MCTS1: variants seen among roughly 807,000 people sequenced by gnomAD.
MCTS1 encodes malignant T-cell-amplified sequence 1.
For synonymous variants in MCTS1, 26 were observed against 40.8 expected, an observed-to-expected ratio of 0.64 and a Z score of 1.38; for missense variants, 55 against 128.6, an observed-to-expected ratio of 0.43 and a Z score of 2.77.
rs1324742328 is a variant in MCTS1 at position 120,619,012 on chromosome X, T to C, written c.*6748T>C. Among the ~76,000 whole-genome samples, 2 of 111,801 alleles carry C rather than the reference T, an allele frequency of 1.8e-5. No individual in the cohort carries two copies. The highest frequency in any genetic ancestry group is 1.9e-5 in the Non-Finnish European group (1 of 53,149). On this transcript the variant is annotated 3_prime_UTR_variant, in exon 6 of 6. Coordinates refer to ENST00000371317, the MANE Select transcript of MCTS1 (RefSeq NM_014060.3). ...ACATCTTGATTAAAGTGTAGGGAGA[T>C]AGAAACTATACCAATTTGGGCAATT...
At chrX:120,610,104 C>T (rs748542825) in intron 4 of MCTS1, among the ~76,000 whole-genome samples, 3 of 110,557 alleles carry the variant, frequency 2.7e-5, no homozygotes, top group Non-Finnish European at 3.8e-5. Context: ...GGCAGATCAC[C>T]TGAGGTCAGG....
chrX:120,605,140 T>C (rs143115816), intron 1 of MCTS1, among the ~76,000 whole-genome samples: 76 of 111,705 alleles, frequency 6.8e-4, no homozygotes, highest in African/African-American at 2.3e-3. Flanking sequence ...CAGATTATGG[T>C]GCAAAGTATG....
chrX:120,611,674 C>A (rs1157772278), intron 5 of MCTS1, among the ~76,000 whole-genome samples: 2 of 112,112 alleles, frequency 1.8e-5, no homozygotes, highest in Non-Finnish European at 1.9e-5. Flanking sequence ...CCCACCTCGG[C>A]CTCCCAAAGT....
rs1926807525 is a variant in MCTS1, at chrX:120,615,015, TA to T, written c.*2754del. Among the ~76,000 whole-genome samples, 1 of 111,876 alleles carries T rather than the reference TA, an allele frequency of 8.9e-6. No individual in the cohort carries two copies. Among genetic ancestry groups the T allele is most frequent in the South Asian group, 3.7e-4 (1 of 2,727 alleles). On this transcript the variant is annotated 3_prime_UTR_variant, in exon 6 of 6. Transcript: ENST00000371317. ...ACTGTGTTGCCTTGGTGATATGGAC[TA>T]AATATGTATGTTCTCTGCTTCCCCT...
chrX:120,605,253 A>G (rs781271979), intron 1 of MCTS1, among the ~76,000 whole-genome samples, 154 bp from the exon 2 acceptor site: 16 of 111,879 alleles, frequency 1.4e-4, no homozygotes, highest in African/African-American at 5.2e-4. Flanking sequence ...AGTAAAAGGG[A>G]GATGGTATTT....
chrX:120,608,189 T>A, intron 3 of MCTS1, 36 bp from the exon 4 acceptor site: 1 of 1,073,506 alleles, frequency 9.3e-7, no homozygotes, highest in African/African-American at 1.8e-5. Context: ...GAGTCATTAG[T>A]CTTATTATTA....
In MCTS1 at chrX:120,605,498, G is replaced by A; in HGVS notation, c.103G>A (p.Gly35Ser). The A allele has an allele frequency of 8.3e-7, 1 of 1,199,050 alleles. No individual in the cohort carries two copies. The highest frequency in any genetic ancestry group is 1.1e-6 in the Non-Finnish European group (1 of 890,524). ...IKNQLIEQFP[G>S]IEPWLNQIMP... ...GAATCAATTGATAGAGCAATTTCCA[G>A]GTATTGAACCATGGCTTAATCAAAT... The change falls in exon 2 of 6, where the codon GGT (glycine) becomes AGT (serine). Residue 35 changes from glycine to serine, a missense_variant. By Grantham distance (56) the Gly-to-Ser change is moderately conservative. Coordinates refer to ENST00000371317, the MANE Select transcript of MCTS1 (RefSeq NM_014060.3).
At position 120,612,660 on chromosome X, in the gene MCTS1, CGTGTGTGTGT is replaced by C. The variant is rs10563395; in HGVS notation, c.*413_*422del. On this transcript the variant is annotated 3_prime_UTR_variant, in exon 6 of 6. Coordinates refer to ENST00000371317, the MANE Select transcript of MCTS1 (RefSeq NM_014060.3). ...CAGGGGACCCAGCAGTGCTCATTCT[CGTGTGTGTGT>C]GTGTGTGTGTGTGTGTATGTGTGTG... Among the ~76,000 whole-genome samples, 4 of 97,412 alleles carry C rather than the reference CGTGTGTGTGT, an allele frequency of 4.1e-5. No individual in the cohort carries two copies. Among genetic ancestry groups the C allele is most frequent in the Admixed American group, 2.3e-4 (2 of 8,733 alleles). The allele number at this position is 97,412 out of a possible 115,157, so 84.6% of individuals were successfully genotyped here.
rs1926929666 is a variant in MCTS1, at chrX:120,618,782, T to C, written c.*6518T>C. Among the ~76,000 whole-genome samples, 1 of 112,507 alleles carries C rather than the reference T, an allele frequency of 8.9e-6. No individual in the cohort carries two copies. The highest frequency in any genetic ancestry group is 1.9e-5 in the Non-Finnish European group (1 of 53,382). On this transcript the variant is annotated 3_prime_UTR_variant, in exon 6 of 6. Transcript: ENST00000371317. ...TTTGTGTTTCACAAGGTTAAAATTTTGTATTTTGTAAAGTGTCTGAAAAGG... is the reference window on the plus strand; with the variant it reads ...TTTGTGTTTCACAAGGTTAAAATTTCGTATTTTGTAAAGTGTCTGAAAAGG...
rs1210464405 is a variant in MCTS1, at chrX:120,613,459, G to C, written c.*1195G>C. 8.9e-6 allele frequency among the ~76,000 whole-genome samples: 1 copy of C among 111,964 alleles called. No homozygotes were observed. Among genetic ancestry groups the C allele is most frequent in the African/African-American group, 3.2e-5 (1 of 30,805 alleles). On this transcript the variant is annotated 3_prime_UTR_variant, in exon 6 of 6. Coordinates refer to ENST00000371317, the MANE Select transcript of MCTS1 (RefSeq NM_014060.3). ...AGACTGTTAATTCTCTTTAACTGTT[G>C]GTTTGCTTGAAATAGGTACCACACA... is the stretch of plus-strand genomic sequence containing the variant.
chrX:120,607,478 A>G (rs764213528), intron 3 of MCTS1, among the ~76,000 whole-genome samples: 1 of 110,683 alleles, frequency 9.0e-6, no homozygotes, highest in Non-Finnish European at 1.9e-5. Context: ...GTTTTTTTTT[A>G]AATTAACAGG....
intron 1 of MCTS1, chrX:120,604,748 CGATTGCCCCATAGGCTATTCA>C: frequency 3.8e-6 from 4 of 1,048,288 alleles, no homozygotes; most frequent in Non-Finnish European, 4.9e-6. Context: ...TTGAAAATAA[CGATTGCCCCATAGGCTATTCA>C]GTGTAAGGAA....
In MCTS1 at chrX:120,613,345, T is replaced by C. The variant is rs1239673589; in HGVS notation, c.*1081T>C. ...ACCATGCCTGGCGTCATAACTACTT[T>C]AGTGTGTATCTTTAAAAATTAGAAA... On this transcript the variant is annotated 3_prime_UTR_variant, in exon 6 of 6. Coordinates refer to ENST00000371317, the MANE Select transcript of MCTS1 (RefSeq NM_014060.3). 1.8e-5 allele frequency among the ~76,000 whole-genome samples: 2 copies of C among 111,928 alleles called. No homozygotes were observed. Among genetic ancestry groups the C allele is most frequent in the Non-Finnish European group, 3.8e-5 (2 of 53,212 alleles).
rs898667378 is a variant in MCTS1 at position 120,615,336 on chromosome X, T to C, written c.*3072T>C. Among the ~76,000 whole-genome samples the C allele has an allele frequency of 8.9e-6, 1 of 111,823 alleles. No individual in the cohort carries two copies. Among genetic ancestry groups the C allele is most frequent in the Non-Finnish European group, 1.9e-5 (1 of 53,210 alleles). ...AACCTACAATCTAGTAACTTGTGTA[T>C]TGGACTCACTTTTACTCAGACAAGG... On this transcript the variant is annotated 3_prime_UTR_variant, in exon 6 of 6. Transcript: ENST00000371317.
Position 120,619,046 on chromosome X carries a change from A to G in MCTS1, c.*6782A>G, listed in dbSNP as rs1926938457. Among the ~76,000 whole-genome samples the G allele has an allele frequency of 1.8e-5, 2 of 112,109 alleles. No individual in the cohort carries two copies. The highest frequency in any genetic ancestry group is 9.5e-5 in the Admixed American group (1 of 10,526). ...TACCAATTTGGGCAATTTTGGCTCT[A>G]ATGTCTAATTTGTTGTGAAAGGGGA... On this transcript the variant is annotated 3_prime_UTR_variant, in exon 6 of 6. Transcript: ENST00000371317.
At chrX:120,611,276 A>T in intron 5 of MCTS1, 198 bp downstream of exon 5, 1 of 379,011 alleles carries the variant, frequency 2.6e-6, no homozygotes, top group Non-Finnish European at 4.6e-6. Context: ...AGTCTTTCTT[A>T]AGCACTGAAA....
At position 120,619,581 on chromosome X, in the gene MCTS1, G is replaced by GT. The variant is rs1181241587; in HGVS notation, c.*7321dup. On this transcript the variant is annotated 3_prime_UTR_variant, in exon 6 of 6. Coordinates refer to ENST00000371317, the MANE Select transcript of MCTS1 (RefSeq NM_014060.3). Reference sequence around the variant, plus strand: ...AAGTCTCCTTGTCTGCAAATCCTGTGTTTTGCAGAAAACTCTCCTCTTGTA... The same window carrying GT: ...AAGTCTCCTTGTCTGCAAATCCTGTGTTTTTGCAGAAAACTCTCCTCTTGTA... Among the ~76,000 whole-genome samples the GT allele has an allele frequency of 9.1e-6, 1 of 110,208 alleles. No individual in the cohort carries two copies. The highest frequency in any genetic ancestry group is 1.9e-5 in the Non-Finnish European group (1 of 52,708).
intron 4 of MCTS1, among the ~76,000 whole-genome samples, chrX:120,608,700 T>A (rs989278100): frequency 4.5e-5 from 5 of 111,844 alleles, no homozygotes; most frequent in Non-Finnish European, 7.5e-5. Flanking sequence ...TATAATTGGA[T>A]CAGCTTTTTG....
rs1239304475 is a variant in MCTS1 at position 120,618,566 on chromosome X, G to C, written c.*6302G>C. On this transcript the variant is annotated 3_prime_UTR_variant, in exon 6 of 6. Coordinates refer to ENST00000371317, the MANE Select transcript of MCTS1 (RefSeq NM_014060.3). ...TTTTAGATTTAAGCAAGTTCAACTT[G>C]AAATATATTTGAATATGAAGTAGAA... is the stretch of plus-strand genomic sequence containing the variant. 1.8e-5 allele frequency among the ~76,000 whole-genome samples: 2 copies of C among 112,287 alleles called. No individual in the cohort carries two copies. The highest frequency in any genetic ancestry group is 2.8e-4 in the East Asian group (1 of 3,624).
Sources: allele counts gnomAD v4.1 joint callset (sites outside exome capture counted in the v4.1 genomes callset), GRCh38; gene constraint gnomAD v4.1.1; transcripts MANE v1.5; gene names NCBI Gene and HGNC (gene_info 2026-07-23, HGNC 2026-07-21).